Variants in CLDN14 observed in about 807,000 individuals in gnomAD.
CLDN14 encodes the protein claudin-14.
Under a neutral mutation model 2.1 loss-of-function variants are expected in CLDN14, and 2 were observed. That is an observed-to-expected ratio of 0.96 (90% CI 0.39 to 3.01). CLDN14 has a LOEUF of 3.01. Ranked by LOEUF, CLDN14 falls within the 30% of genes most tolerant of loss-of-function variation. The pLI is 0.09. For missense variants in CLDN14, 298 were observed against 328.0 expected (o/e 0.91, Z 0.71); for synonymous variants, 136 against 154.4 (o/e 0.88, Z 0.88).
intron 1 of CLDN14, among the ~76,000 whole-genome samples, chr21:36,463,975 G>T (rs1360376723): frequency 6.6e-6 from 1 of 152,198 alleles, no homozygotes; most frequent in African/African-American, 2.4e-5. Context: ...TGGACTGAAG[G>T]TGTGTCCAGG....
chr21:36,570,067 C>T lies in CLDN14; in HGVS notation c.-220+6344G>A, dbSNP rs114870113. Among the ~76,000 whole-genome samples the T allele has an allele frequency of 4.8e-3, 731 of 152,246 alleles. 6 individuals are homozygous for T. Among genetic ancestry groups the T allele is most frequent in the African/African-American group, 0.017 (696 of 41,528 alleles). ...GAGACATCTATTAATACCAGTAAGA[C>T]GTACACTGATTTGATCTCAAAAGGT... On this transcript the variant is annotated intron_variant, in intron 1 of 2. Transcript: ENST00000342108.
Position 36,557,540 on chromosome 21 carries a change from G to A in CLDN14, c.-220+18871C>T, listed in dbSNP as rs565869016. Reference sequence around the variant, plus strand: ...TCGCATTTCCTTGATGATTAGTGACGTTGACCATCTTTTCAAATACCTGTT... The same window carrying A: ...TCGCATTTCCTTGATGATTAGTGACATTGACCATCTTTTCAAATACCTGTT... On this transcript the variant is annotated intron_variant, in intron 1 of 2. Transcript: ENST00000342108. Among the ~76,000 whole-genome samples the A allele has an allele frequency of 1.3e-4, 20 of 152,166 alleles. No homozygotes were observed. In the South Asian group the frequency reaches 2.9e-3, roughly 22 times the overall value.
intron 2 of CLDN14, chr21:36,486,083 A>C: frequency 7.2e-7 from 1 of 1,379,638 alleles, no homozygotes; most frequent in Non-Finnish European, 1.0e-6. Flanking sequence ...GTTGGGATCC[A>C]CACCTGGGAG....
rs1366736348 is a variant in CLDN14, at chr21:36,533,838, C to G, written c.-219-23338G>C. Among the ~76,000 whole-genome samples, 3 of 151,998 alleles carry G rather than the reference C, an allele frequency of 2.0e-5. No homozygotes were observed. In the East Asian group the frequency reaches 5.8e-4, roughly 29 times the overall value. ...GGGAACCACACACACTGGGGCCTAC[C>G]TGGGGGTGAAGGGTGGGAGGAGGGA... On this transcript the variant is annotated intron_variant, in intron 1 of 2. Transcript: ENST00000342108.
intron 1 of CLDN14, among the ~76,000 whole-genome samples, chr21:36,543,583 C>T (rs1215029486): frequency 2.6e-5 from 4 of 152,170 alleles, no homozygotes; most frequent in Non-Finnish European, 5.9e-5. Flanking sequence ...ATAATAAGTG[C>T]TTTAGCACTT....
chr21:36,551,960 T>C lies in CLDN14; in HGVS notation c.-220+24451A>G, dbSNP rs1215916772. On this transcript the variant is annotated intron_variant, in intron 1 of 2. Coordinates refer to the CLDN14 transcript ENST00000342108. The surrounding 1 kb of genome is among the most constrained non-coding windows in gnomAD (Gnocchi z 4.8). The stretch of plus-strand genomic sequence containing the variant: ...AAGGACTGTTGAGGGTGGGAGGAAG[T>C]AGGAAAGGAGGTGGTTTCATGTGAG... 6.6e-6 allele frequency among the ~76,000 whole-genome samples: 1 copy of C among 152,042 alleles called. No individual in the cohort carries two copies. The highest frequency in any genetic ancestry group is 2.4e-5 in the African/African-American group (1 of 41,374).
intron 1 of CLDN14, among the ~76,000 whole-genome samples, chr21:36,564,889 G>T (rs2087661742): frequency 6.6e-6 from 1 of 152,166 alleles, no homozygotes; most frequent in East Asian, 1.9e-4. Context: ...GGAGAAAGGG[G>T]CCACAAGCCA....
chr21:36,531,168 C>A (rs527649932), intron 1 of CLDN14, among the ~76,000 whole-genome samples: 1 of 151,866 alleles, frequency 6.6e-6, no homozygotes, highest in Non-Finnish European at 1.5e-5. Flanking sequence ...GTGGAGGTTG[C>A]GGTGAGCCGA....
At chr21:36,519,662 A>T (rs995508242) in intron 1 of CLDN14, among the ~76,000 whole-genome samples, 1 of 152,298 alleles carries the variant, frequency 6.6e-6, no homozygotes, top group East Asian at 1.9e-4. Flanking sequence ...GTGAGCTGAG[A>T]TCGCGCCACT....
chr21:36,473,868 G>A (rs765455126), intron 1 of CLDN14, among the ~76,000 whole-genome samples: 3 of 152,214 alleles, frequency 2.0e-5, no homozygotes, highest in Non-Finnish European at 2.9e-5. Flanking sequence ...GGTGAGGGAG[G>A]ACAGAGCTCC....
At chr21:36,552,967 C>A (rs2087573048) in intron 1 of CLDN14, among the ~76,000 whole-genome samples, 1 of 152,204 alleles carries the variant, frequency 6.6e-6, no homozygotes, top group South Asian at 2.1e-4. Context: ...GGTGCAGAGG[C>A]CCCTCCTCAA....
chr21:36,469,058 A>C (rs178150), intron 1 of CLDN14, among the ~76,000 whole-genome samples: 60,212 of 151,886 alleles, frequency 0.4, 13,427 homozygotes, highest in African/African-American at 0.62. Flanking sequence ...CTGTGCCCGG[A>C]CTCAGCTAGT....
Position 36,539,774 on chromosome 21 carries a change from GGAGT to G in CLDN14, c.-219-29278_-219-29275del, listed in dbSNP as rs1460460327. ...GAGTATGTCTGCAGAGTGTGTATGTGGAGTGAGTGTGTGTGTGCAGTATGTCTGC... is the reference window on the plus strand; with the variant it reads ...GAGTATGTCTGCAGAGTGTGTATGTGGAGTGTGTGTGTGCAGTATGTCTGC... On this transcript the variant is annotated intron_variant, in intron 1 of 2. Coordinates refer to the CLDN14 transcript ENST00000342108. Among the ~76,000 whole-genome samples, 10 of 150,342 alleles carry G rather than the reference GGAGT, an allele frequency of 6.7e-5. No homozygotes were observed. In the South Asian group the frequency reaches 8.5e-4, roughly 13 times the overall value.
chr21:36,476,455 A>ATT lies in CLDN14; in HGVS notation c.-82+3038_-82+3039dup, dbSNP rs11457181. ...GGCATTTATATTTTAATGGATGACT[A>ATT]TTTTTTTTTTTTTTTGAGTCAGAGT... is the stretch of plus-strand genomic sequence containing the variant. On this transcript the variant is annotated intron_variant, in intron 1 of 1. Coordinates refer to ENST00000399135, the MANE Select transcript of CLDN14 (RefSeq NM_001146079.2). 1.2e-3 allele frequency among the ~76,000 whole-genome samples: 178 copies of ATT among 142,436 alleles called. 2 individuals carry two copies. The highest frequency in any genetic ancestry group is 3.8e-3 in the Middle Eastern group (1 of 266). 93.4% of individuals were successfully genotyped at this position (142,436 alleles called of 152,430 possible). A position where few individuals can be genotyped will look rare whatever the true frequency, so the allele number is the denominator to read the frequency against.
intron 1 of CLDN14, among the ~76,000 whole-genome samples, chr21:36,562,967 A>G (rs1168214940): frequency 6.6e-6 from 1 of 152,260 alleles, no homozygotes; most frequent in East Asian, 1.9e-4. Flanking sequence ...GATGATGGAA[A>G]TGAAAGTGGT....
At chr21:36,552,521 A>G (rs560841964) in intron 1 of CLDN14, among the ~76,000 whole-genome samples, 101 of 152,296 alleles carry the variant, frequency 6.6e-4, no homozygotes, top group African/African-American at 2.4e-3. Flanking sequence ...TTTGCTGGAA[A>G]TTTTGCCCAG....
chr21:36,461,495 G>T lies in CLDN14; in HGVS notation c.201C>A (p.Tyr67Ter). ...HSTGIYQCQI[Y>*]RSLLALPQDL... The stretch of plus-strand genomic sequence containing the variant: ...CTTGGGGCAGCGCCAGCAGGGATCG[G>T]TAGATCTGGCACTGGTAGATGCCTG... Residue 67 changes from tyrosine (Y) to a stop codon, truncating the protein, a stop_gained, in exon 2 of 2, where the codon TAC (tyrosine) becomes TAA (stop). Coordinates refer to ENST00000399135, the MANE Select transcript of CLDN14 (RefSeq NM_001146079.2). LOFTEE classifies it low-confidence loss of function (END_TRUNC). The T allele has an allele frequency of 6.2e-7, 1 of 1,613,446 alleles. No homozygotes were observed. Among genetic ancestry groups the T allele is most frequent in the Admixed American group, 1.7e-5 (1 of 60,026 alleles).
chr21:36,527,169 T>A (rs2146498216), intron 1 of CLDN14, among the ~76,000 whole-genome samples: 1 of 152,370 alleles, frequency 6.6e-6, no homozygotes, highest in African/African-American at 2.4e-5. Flanking sequence ...TAATTTCACA[T>A]GTTCAGACCA....
chr21:36,475,420 A>G (rs2086765174), intron 1 of CLDN14, among the ~76,000 whole-genome samples: 1 of 152,196 alleles, frequency 6.6e-6, no homozygotes, highest in Non-Finnish European at 1.5e-5. Context: ...AGAGCTTTAA[A>G]AAGATCCGGA....
Sources: gnomAD v4.1 joint callset for allele counts (sites outside exome capture counted in the v4.1 genomes callset) on GRCh38, gnomAD v4.1.1 for gene constraint, Gnocchi (gnomAD v3.1) non-coding constraint, MANE v1.5 for transcripts, NCBI Gene and HGNC (gene_info 2026-07-23, HGNC 2026-07-21) for gene names.